The following TNRC6C variants were observed in gnomAD, a reference collection of about 807,000 sequenced individuals.
TNRC6C encodes trinucleotide repeat containing adaptor 6C, also known as trinucleotide repeat-containing gene 6C protein.
A neutral mutation model predicts 153.7 loss-of-function variants in TNRC6C; 20 were observed. The ratio of observed to expected loss-of-function variants is 0.13; its 90% CI spans 0.09 to 0.19. The LOEUF (loss-of-function observed/expected upper bound fraction) is 0.19, where lower values mean the gene tolerates loss of function less well. TNRC6C is among the 10% of genes least tolerant of loss of function. TNRC6C has a pLI of 1.00. For synonymous variants in TNRC6C, 811 were observed against 841.4 expected (o/e 0.96, Z 0.63); for missense variants, 1,987 against 2,172.0 (o/e 0.91, Z 1.69).
rs1448780831 is a variant in TNRC6C at position 78,006,548 on chromosome 17, T to TC, written c.-546+1470dup. On this transcript the variant is annotated intron_variant, in intron 1 of 19. Transcript: ENST00000301624. Reference sequence around the variant, plus strand: ...TTCTTCTTCTTCTTCTTCTTCTTCTTCTTCTTCTTCTTCCTTCTTCCTTCT... The same window carrying TC: ...TTCTTCTTCTTCTTCTTCTTCTTCTTCCTTCTTCTTCTTCCTTCTTCCTTCT... Among the ~76,000 whole-genome samples the TC allele has an allele frequency of 8.9e-3, 1,111 of 125,494 alleles. 30 individuals are homozygous for TC. The highest frequency in any genetic ancestry group is 0.034 in the African/African-American group (1,053 of 31,324). The allele number at this position is 125,494 out of a possible 152,430, so 82.3% of individuals were successfully genotyped here. A position where few individuals can be genotyped will look rare whatever the true frequency, so the allele number is the denominator to read the frequency against.
intron 1 of TNRC6C, among the ~76,000 whole-genome samples, chr17:78,026,560 G>A (rs763064405): frequency 6.6e-5 from 10 of 152,218 alleles, no homozygotes; most frequent in Non-Finnish European, 1.3e-4. Context: ...ATGAAATGTG[G>A]TGGTTAGATG....
chr17:77,975,110 A>G (rs191141336), intron 1 of TNRC6C, among the ~76,000 whole-genome samples: 132 of 152,316 alleles, frequency 8.7e-4, no homozygotes, highest in African/African-American at 3.1e-3. Flanking sequence ...AGTCTCATGT[A>G]TGGGGGGAAA....
intron 11 of TNRC6C, among the ~76,000 whole-genome samples, chr17:78,086,233 G>A (rs1041346406): frequency 2.3e-4 from 34 of 150,380 alleles, no homozygotes; most frequent in Non-Finnish European, 4.4e-4. Flanking sequence ...GGGAGGCTGA[G>A]GCAGGAGAAT....
intron 19 of TNRC6C, 26 bp downstream of exon 22, chr17:78,103,579 C>T (rs747232180): frequency 2.8e-5 from 45 of 1,613,150 alleles, no homozygotes; most frequent in African/African-American, 6.7e-5. Context: ...GCCACCTCAG[C>T]GCTCCAAGTA....
At chr17:78,017,782 C>T (rs1173460806) in intron 1 of TNRC6C, among the ~76,000 whole-genome samples, 3 of 152,214 alleles carry the variant, frequency 2.0e-5, no homozygotes, top group African/African-American at 4.8e-5. Context: ...CCCCCGAAGG[C>T]GAGAAGCTCT....
rs1367875275 is a variant in TNRC6C at position 78,104,311 on chromosome 17, A to G, written c.4713-174A>G. Among the ~76,000 whole-genome samples, 1 of 152,216 alleles carries G rather than the reference A, an allele frequency of 6.6e-6. No homozygotes were observed. The highest frequency in any genetic ancestry group is 1.5e-5 in the Non-Finnish European group (1 of 68,036). On this transcript the variant is annotated intron_variant, in intron 19 of 19. Coordinates refer to ENST00000301624, the Ensembl canonical transcript of TNRC6C. The surrounding 1 kb of genome is among the most constrained non-coding windows in gnomAD (Gnocchi z 6.2). ...TGTGTACCAGTACGATGTTGCCACT[A>G]GAAGTCTGAACTGAGCAAAACATTC...
intron 2 of TNRC6C, among the ~76,000 whole-genome samples, chr17:78,046,857 A>G (rs1188800925): frequency 6.6e-6 from 1 of 152,230 alleles, no homozygotes; most frequent in Non-Finnish European, 1.5e-5. Context: ...AACGTGTCAT[A>G]TAATTGAGTA....
rs1012120770 is a variant in TNRC6C at position 78,077,529 on chromosome 17, A to G, written c.3210+195A>G. On this transcript the variant is annotated intron_variant, in intron 9 of 19. Transcript: ENST00000301624. The stretch of plus-strand genomic sequence containing the variant: ...CAAGAGTTGAAGTAGGAAATGCTTT[A>G]GTTATATTTATTCTTACACTTAACT... 21 of 704,670 alleles carry G rather than the reference A, an allele frequency of 3.0e-5. No individual in the cohort carries two copies. In the African/African-American group the frequency reaches 3.4e-4, roughly 11 times the overall value. The allele number at this position is 704,670 out of a possible 1,614,324, so 43.7% of individuals were successfully genotyped here. A position where few individuals can be genotyped will look rare whatever the true frequency, so the allele number is the denominator to read the frequency against.
upstream of TNRC6C, among the ~76,000 whole-genome samples, chr17:78,003,435 G>A (rs766849792): frequency 3.3e-5 from 5 of 152,324 alleles, no homozygotes; most frequent in South Asian, 1.0e-3. Flanking sequence ...ACAGGGTGTT[G>A]TGGAAAAGGA....
rs193186894 is a variant in TNRC6C, at chr17:77,975,829, A to T, written c.-38+16561A>T. Among the ~76,000 whole-genome samples the T allele has an allele frequency of 5.8e-3, 877 of 152,358 alleles. 4 individuals are homozygous for T. The highest frequency in any genetic ancestry group is 9.7e-3 in the Non-Finnish European group (663 of 68,028). On this transcript the variant is annotated intron_variant, in intron 1 of 22. Coordinates refer to the TNRC6C transcript ENST00000636222. ...TTTCTCATGCAAAGAAGTGGAAAGGATACCATCTTATAGGAGAATCCTATA... is the reference window on the plus strand; with the variant it reads ...TTTCTCATGCAAAGAAGTGGAAAGGTTACCATCTTATAGGAGAATCCTATA...
intron 5 of TNRC6C, among the ~76,000 whole-genome samples, chr17:78,070,713 A>C (rs1288336286): frequency 6.6e-6 from 1 of 152,234 alleles, no homozygotes; most frequent in Non-Finnish European, 1.5e-5. Flanking sequence ...AGCTTAGAAA[A>C]GGCAAAAAGT....
chr17:78,041,669 AC>A (rs1216357149), intron 2 of TNRC6C, among the ~76,000 whole-genome samples: 1 of 152,160 alleles, frequency 6.6e-6, no homozygotes, highest in Non-Finnish European at 1.5e-5. Flanking sequence ...AGATCTTTAC[AC>A]CCAGTAAATG....
Position 78,086,560 on chromosome 17 carries a change from G to A in TNRC6C, c.3535G>A (p.Gly1179Arg), listed in dbSNP as rs1198855314. 18 of 1,613,900 alleles carry A rather than the reference G, an allele frequency of 1.1e-5. No homozygotes were observed. Among genetic ancestry groups the A allele is most frequent in the Admixed American group, 1.7e-5 (1 of 60,008 alleles). Residue 1179 changes from glycine (G) to arginine (R), a missense_variant, in exon 12 of 20, where the codon GGA (glycine) becomes AGA (arginine). Transcript: ENST00000301624. ...GTTACAGGCCCAGCGTAATGTGTCC[G>A]GATCCATGAGACAACAGGAGCAGCA...
upstream of TNRC6C, chr17:78,004,941 C>G: frequency 1.2e-6 from 1 of 806,890 alleles, no homozygotes. Flanking sequence ...GGCAAAAACT[C>G]ATTTTTAAAA....
chr17:78,083,855 A>G (rs1377370115), intron 11 of TNRC6C, among the ~76,000 whole-genome samples: 1 of 152,144 alleles, frequency 6.6e-6, no homozygotes, highest in Admixed American at 6.5e-5. Flanking sequence ...ATTTTACTAT[A>G]ATTGCCATGT....
At chr17:77,960,038 T>A (rs1046150085) in intron 1 of TNRC6C, among the ~76,000 whole-genome samples, 2 of 152,128 alleles carry the variant, frequency 1.3e-5, no homozygotes, top group African/African-American at 4.8e-5. Flanking sequence ...AATGAAGGCT[T>A]GCTGCTTGGA....
At chr17:78,064,119 C>T (rs1017971757) in intron 3 of TNRC6C, among the ~76,000 whole-genome samples, 2 of 152,164 alleles carry the variant, frequency 1.3e-5, no homozygotes, top group Non-Finnish European at 2.9e-5. Flanking sequence ...TCTTGGCTCA[C>T]TGCAACCTCT....
chr17:78,086,190 C>T (rs536975883), intron 11 of TNRC6C, among the ~76,000 whole-genome samples: 1 of 151,716 alleles, frequency 6.6e-6, no homozygotes, highest in African/African-American at 2.4e-5. Context: ...ATTAGCTGGG[C>T]GTGGTGGCAC....
chr17:78,024,371 T>G (rs1217880102), intron 1 of TNRC6C, among the ~76,000 whole-genome samples: 1 of 152,118 alleles, frequency 6.6e-6, no homozygotes, highest in Non-Finnish European at 1.5e-5. Flanking sequence ...TTTGTTTGTT[T>G]GTTTGTTTTT....
Sources: gnomAD v4.1 joint callset for allele counts (sites outside exome capture counted in the v4.1 genomes callset) on GRCh38, gnomAD v4.1.1 for gene constraint, Gnocchi (gnomAD v3.1) non-coding constraint, MANE v1.5 for transcripts, NCBI Gene and HGNC (gene_info 2026-07-23, HGNC 2026-07-21) for gene names.